Variants in HTR1F observed in about 807,000 individuals in gnomAD.
HTR1F encodes 5-hydroxytryptamine (serotonin) receptor 1F, G protein-coupled.
HTR1F carries 17 observed loss-of-function variants against 24.0 expected under a neutral mutation model. The ratio of observed to expected loss-of-function variants is 0.71; its 90% CI spans 0.48 to 1.06. The LOEUF is 1.06. Among genes scored for constraint, HTR1F ranks in the 50% least tolerant of loss-of-function variants. The pLI is 0.00. For synonymous variants in HTR1F, 186 were observed against 156.8 expected (o/e 1.19, Z -1.39); for missense variants, 391 against 427.8 (o/e 0.91, Z 0.76).
chr3:87,924,084 A>G (rs1704071229), intron 2 of HTR1F, among the ~76,000 whole-genome samples: 1 of 152,016 alleles, frequency 6.6e-6, no homozygotes, highest in East Asian at 1.9e-4. Context: ...GTTCTCCTTT[A>G]AAATTTTGGT....
At chr3:87,985,357 A>G (rs1705640831) in intron 2 of HTR1F, among the ~76,000 whole-genome samples, 1 of 152,174 alleles carries the variant, frequency 6.6e-6, no homozygotes, top group Non-Finnish European at 1.5e-5. Flanking sequence ...AAGCAAAGAA[A>G]AAGTAGTTAC....
At chr3:87,926,121 A>G (rs1451676930) in intron 2 of HTR1F, among the ~76,000 whole-genome samples, 1 of 152,170 alleles carries the variant, frequency 6.6e-6, no homozygotes, top group Non-Finnish European at 1.5e-5. Context: ...ATGTAATTGT[A>G]TTTACGTATT....
At chr3:87,842,516 C>T (rs2107180834) in intron 2 of HTR1F, among the ~76,000 whole-genome samples, 1 of 151,814 alleles carries the variant, frequency 6.6e-6, no homozygotes, top group African/African-American at 2.4e-5. Context: ...TATGAAACAT[C>T]TCACGAGCTA....
chr3:87,856,073 T>TA (rs1258323634), intron 2 of HTR1F, among the ~76,000 whole-genome samples: 1 of 152,066 alleles, frequency 6.6e-6, no homozygotes, highest in Non-Finnish European at 1.5e-5. Flanking sequence ...AGATGTATAG[T>TA]AAAAAGATAT....
intron 2 of HTR1F, among the ~76,000 whole-genome samples, chr3:87,929,862 T>A (rs905446153): frequency 6.6e-6 from 1 of 152,152 alleles, no homozygotes; most frequent in Non-Finnish European, 1.5e-5. Flanking sequence ...TTGATAGGAG[T>A]AGCATTGGAT....
intron 2 of HTR1F, among the ~76,000 whole-genome samples, chr3:87,956,709 A>T (rs1313038961): frequency 2.0e-5 from 3 of 151,348 alleles, no homozygotes; most frequent in Non-Finnish European, 4.4e-5. Context: ...TCTTTGAAAA[A>T]TTAATTCCCA....
In HTR1F at chr3:87,822,072, C is replaced by G. The variant is rs929164629; in HGVS notation, c.-95C>G. On this transcript the variant is annotated 5_prime_UTR_variant, in exon 2 of 3. Transcript: ENST00000319595. ...CATGAACTTCTCAAAAGAACAGGAA[C>G]ATGAGGAGACGAAATGGTGATGAAA... Among the ~76,000 whole-genome samples the G allele has an allele frequency of 1.3e-5, 2 of 151,840 alleles. No homozygotes were observed. The highest frequency in any genetic ancestry group is 4.8e-5 in the African/African-American group (2 of 41,316).
intron 2 of HTR1F, among the ~76,000 whole-genome samples, chr3:87,933,378 A>G (rs1185265697): frequency 1.3e-5 from 2 of 152,004 alleles, no homozygotes; most frequent in Admixed American, 6.6e-5. Flanking sequence ...AGAAGGAAAT[A>G]AAGGGTATTC....
intron 2 of HTR1F, among the ~76,000 whole-genome samples, chr3:87,936,389 C>T (rs1704415539): frequency 6.6e-6 from 1 of 152,112 alleles, no homozygotes; most frequent in Non-Finnish European, 1.5e-5. Context: ...AATAATTTTG[C>T]TTTCTTCCTC....
chr3:87,903,651 A>C (rs1332388634), intron 2 of HTR1F, among the ~76,000 whole-genome samples: 3 of 151,778 alleles, frequency 2.0e-5, no homozygotes, highest in African/African-American at 7.3e-5. Context: ...ATGTGGAGAA[A>C]TAGGAACACT....
chr3:87,878,619 G>A (rs1485419355), intron 2 of HTR1F, among the ~76,000 whole-genome samples: 2 of 151,916 alleles, frequency 1.3e-5, no homozygotes, highest in African/African-American at 2.4e-5. Flanking sequence ...CTACTCTGTT[G>A]TATTGATCTT....
At position 87,838,283 on chromosome 3, in the gene HTR1F, C is replaced by A. The variant is rs182365476; in HGVS notation, c.-43+16159C>A. ...TATCTCCTGTCAATGGTAGAGGGAC[C>A]CTACCAGTGTCAGAATAAACATTTT... On this transcript the variant is annotated intron_variant, in intron 2 of 2. Coordinates refer to ENST00000319595, the MANE Select transcript of HTR1F (RefSeq NM_001322209.2). Among the ~76,000 whole-genome samples the A allele has an allele frequency of 3.4e-3, 518 of 152,108 alleles. 5 individuals carry two copies. The highest frequency in any genetic ancestry group is 0.01 in the Middle Eastern group (3 of 294).
At chr3:87,908,063 C>T (rs979047164) in intron 2 of HTR1F, among the ~76,000 whole-genome samples, 8 of 151,760 alleles carry the variant, frequency 5.3e-5, no homozygotes, top group African/African-American at 1.9e-4. Flanking sequence ...AATACTTTTT[C>T]GAATCTTTCC....
At chr3:87,873,808 G>A (rs1313255827) in intron 2 of HTR1F, among the ~76,000 whole-genome samples, 1 of 151,898 alleles carries the variant, frequency 6.6e-6, no homozygotes, top group East Asian at 1.9e-4. Context: ...ACCGTTAAAA[G>A]GCAAGCATGG....
chr3:87,990,813 T>C lies in HTR1F; in HGVS notation c.64T>C (p.Ser22Pro). ...AGAGGAACTGTTAAACAGAATGCCA[T>C]CCAAAATTCTGGTGTCCCTCACTCT... is the stretch of plus-strand genomic sequence containing the variant. ...TSEELLNRMP[S>P]KILVSLTLSG... Residue 22 changes from serine (S) to proline (P), a missense_variant, in exon 3 of 3, where the codon TCC becomes CCC. Coordinates refer to ENST00000319595, the MANE Select transcript of HTR1F (RefSeq NM_001322209.2). 1 of 1,613,790 alleles carries C rather than the reference T, an allele frequency of 6.2e-7. No individual in the cohort carries two copies. The highest frequency in any genetic ancestry group is 1.1e-5 in the South Asian group (1 of 91,076).
chr3:87,831,544 A>G (rs1425101905), intron 2 of HTR1F, among the ~76,000 whole-genome samples: 6 of 151,596 alleles, frequency 4.0e-5, no homozygotes, highest in East Asian at 3.9e-4. Context: ...TTGTATTTTT[A>G]GTAGAGACGG....
intron 2 of HTR1F, among the ~76,000 whole-genome samples, chr3:87,881,371 C>A (rs979967591): frequency 1.4e-4 from 22 of 152,194 alleles, no homozygotes; most frequent in Non-Finnish European, 4.4e-5. Context: ...AGCAGCCTGG[C>A]TGGCGGAGGG....
intron 2 of HTR1F, among the ~76,000 whole-genome samples, chr3:87,962,378 A>G (rs989849636): frequency 6.6e-6 from 1 of 152,138 alleles, no homozygotes; most frequent in African/African-American, 2.4e-5. Flanking sequence ...TGTGTTATGA[A>G]TCAATAAATA....
intron 1 of HTR1F, among the ~76,000 whole-genome samples, chr3:87,798,846 G>A (rs770628675): frequency 1.3e-5 from 2 of 152,124 alleles, no homozygotes; most frequent in Non-Finnish European, 2.9e-5. Context: ...TGTCTTTCCT[G>A]TGAAGTCTCT....
Sources: allele counts gnomAD v4.1 joint callset (sites outside exome capture counted in the v4.1 genomes callset), GRCh38; gene constraint gnomAD v4.1.1; transcripts MANE v1.5; gene names NCBI Gene and HGNC (gene_info 2026-07-23, HGNC 2026-07-21).